HCN1: variants seen among roughly 807,000 people sequenced by gnomAD.
HCN1 encodes potassium/sodium hyperpolarization-activated cyclic nucleotide-gated channel 1.
Under a neutral mutation model 78.9 loss-of-function variants are expected in HCN1, and 13 were observed. That is an observed-to-expected ratio of 0.16 (90% CI 0.11 to 0.26). The LOEUF (loss-of-function observed/expected upper bound fraction) is 0.26. HCN1 is among the 10% of genes least tolerant of loss of function. The pLI, the probability that HCN1 is intolerant of heterozygous loss-of-function variation, is 1.00. For missense variants in HCN1, 810 were observed against 1,154.3 expected, an observed-to-expected ratio of 0.70 and a Z score of 4.32; for synonymous variants, 552 against 455.5, an observed-to-expected ratio of 1.21 and a Z score of -2.70.
At chr5:45,406,297 A>G (rs1739918097) in intron 3 of HCN1, among the ~76,000 whole-genome samples, 1 of 152,170 alleles carries the variant, frequency 6.6e-6, no homozygotes, top group Non-Finnish European at 1.5e-5. Context: ...ATGTTTATAT[A>G]TAAGTATTAG....
intron 6 of HCN1, among the ~76,000 whole-genome samples, chr5:45,288,584 G>A (rs1265897000): frequency 2.6e-5 from 4 of 151,948 alleles, no homozygotes; most frequent in Non-Finnish European, 5.9e-5. Context: ...TGTGGATGCT[G>A]AGCACACTGC....
chr5:45,406,001 T>C (rs1739911192), intron 3 of HCN1, among the ~76,000 whole-genome samples: 2 of 152,190 alleles, frequency 1.3e-5, no homozygotes, highest in Admixed American at 6.6e-5. Flanking sequence ...AATTTAGTGA[T>C]GCTTGATATC....
At chr5:45,582,080 G>C (rs1285084262) in intron 2 of HCN1, among the ~76,000 whole-genome samples, 1 of 152,088 alleles carries the variant, frequency 6.6e-6, no homozygotes, top group Non-Finnish European at 1.5e-5. Flanking sequence ...AGCTTGCTGG[G>C]GATGGCATTG....
At chr5:45,674,274 A>G (rs1746220716) in intron 1 of HCN1, among the ~76,000 whole-genome samples, 2 of 151,474 alleles carry the variant, frequency 1.3e-5, no homozygotes, top group African/African-American at 4.8e-5. Context: ...ATTTAAAACA[A>G]TTTTATGAGG....
chr5:45,598,456 A>G (rs1351206919), intron 2 of HCN1, among the ~76,000 whole-genome samples: 1 of 152,156 alleles, frequency 6.6e-6, no homozygotes, highest in Non-Finnish European at 1.5e-5. Flanking sequence ...CTAAAACCAT[A>G]AAAAACCCTT....
chr5:45,579,705 GA>G (rs2111917960), intron 2 of HCN1, among the ~76,000 whole-genome samples: 2 of 152,192 alleles, frequency 1.3e-5, no homozygotes, highest in African/African-American at 4.8e-5. Flanking sequence ...TGGAGGAAGG[GA>G]AGGTATAGCA....
At chr5:45,314,894 G>A (rs1745945590) in intron 5 of HCN1, among the ~76,000 whole-genome samples, 2 of 152,070 alleles carry the variant, frequency 1.3e-5, no homozygotes, top group South Asian at 2.1e-4. Flanking sequence ...CCCAATACAG[G>A]AGCATCCAGA....
intron 1 of HCN1, among the ~76,000 whole-genome samples, chr5:45,683,227 A>T (rs775230579): frequency 6.6e-6 from 1 of 152,126 alleles, no homozygotes; most frequent in African/African-American, 2.4e-5. Context: ...TTATTTCAGT[A>T]AATCATTTTT....
intron 2 of HCN1, among the ~76,000 whole-genome samples, chr5:45,594,372 A>G (rs1046095020): frequency 6.6e-6 from 1 of 152,202 alleles, no homozygotes; most frequent in Non-Finnish European, 1.5e-5. Context: ...TAGAAATGCT[A>G]GTGAAATTAC....
At chr5:45,418,373 G>T (rs1421849596) in intron 3 of HCN1, among the ~76,000 whole-genome samples, 1 of 150,024 alleles carries the variant, frequency 6.7e-6, no homozygotes, top group Non-Finnish European at 1.5e-5. Flanking sequence ...AATATGATGA[G>T]GCCAAATCAG....
chr5:45,526,944 A>C (rs1416569052), intron 2 of HCN1, among the ~76,000 whole-genome samples: 9 of 150,060 alleles, frequency 6.0e-5, no homozygotes. Context: ...AGGAAAGGGA[A>C]GCCAATTAAA....
chr5:45,542,966 G>A (rs1219849886), intron 2 of HCN1, among the ~76,000 whole-genome samples: 1 of 152,110 alleles, frequency 6.6e-6, no homozygotes, highest in Non-Finnish European at 1.5e-5. Flanking sequence ...TTATGCCTTT[G>A]TGTTATAATT....
rs571451738 is a variant in HCN1 at position 45,351,843 on chromosome 5, G to C, written c.1377+1257C>G. ...CACAATGAGACACCATCTCACACCA[G>C]TTAGAATGGCGATCATTAAAAAGTC... On this transcript the variant is annotated intron_variant, in intron 5 of 7. Transcript: ENST00000303230. 6.4e-4 allele frequency among the ~76,000 whole-genome samples: 98 copies of C among 152,064 alleles called. 1 individual carries two copies. In the East Asian group the frequency reaches 0.011, roughly 17 times the overall value.
chr5:45,665,411 C>A (rs1436727898), intron 1 of HCN1, among the ~76,000 whole-genome samples: 1 of 151,812 alleles, frequency 6.6e-6, no homozygotes, highest in Admixed American at 6.6e-5. Flanking sequence ...AACTAACCTG[C>A]ACATTGTGCA....
At chr5:45,660,117 C>A (rs1213265297) in intron 1 of HCN1, among the ~76,000 whole-genome samples, 1 of 119,486 alleles carries the variant, frequency 8.4e-6, no homozygotes, top group Non-Finnish European at 1.7e-5. Flanking sequence ...GGCAGAAACC[C>A]TACAAGCCAG....
intron 2 of HCN1, among the ~76,000 whole-genome samples, chr5:45,506,281 T>A (rs1223352312): frequency 1.3e-5 from 2 of 152,152 alleles, no homozygotes; most frequent in Non-Finnish European, 2.9e-5. Context: ...ACAACTTACA[T>A]GCTTTACCCT....
chr5:45,452,048 A>G (rs1740929481), intron 3 of HCN1, among the ~76,000 whole-genome samples: 1 of 152,020 alleles, frequency 6.6e-6, no homozygotes, highest in Non-Finnish European at 1.5e-5. Context: ...ACGCTACTGG[A>G]GTATAGAGAA....
At chr5:45,424,081 C>G (rs1471323142) in intron 3 of HCN1, among the ~76,000 whole-genome samples, 1 of 142,630 alleles carries the variant, frequency 7.0e-6, no homozygotes, top group African/African-American at 2.7e-5. Context: ...CGAGACCATC[C>G]TGGCTAACAT....
chr5:45,397,706 A>G (rs1309676453), intron 3 of HCN1, among the ~76,000 whole-genome samples: 4 of 151,720 alleles, frequency 2.6e-5, no homozygotes, highest in East Asian at 3.9e-4. Flanking sequence ...ACCTAATGTG[A>G]TAACAGTGAT....
Sources: gnomAD v4.1 joint callset for allele counts (sites outside exome capture counted in the v4.1 genomes callset) on GRCh38, gnomAD v4.1.1 for gene constraint, MANE v1.5 for transcripts, NCBI Gene and HGNC (gene_info 2026-07-23, HGNC 2026-07-21) for gene names.